CNTNAP3B: variants seen among roughly 807,000 people sequenced by gnomAD.
CNTNAP3B encodes contactin associated protein family member 3B.
CNTNAP3B carries 25 observed loss-of-function variants against 108.9 expected under a neutral mutation model. The observed-to-expected ratio is 0.23, with a 90% CI of 0.17 to 0.32. CNTNAP3B has a LOEUF of 0.32. Among genes scored for constraint, CNTNAP3B ranks in the 10% least tolerant of loss-of-function variants. CNTNAP3B has a pLI of 1.00. For synonymous variants in CNTNAP3B, 103 were observed against 473.4 expected, an observed-to-expected ratio of 0.22 and a Z score of 10.16; for missense variants, 252 against 1,210.4, an observed-to-expected ratio of 0.21 and a Z score of 11.75.
chr9:42,097,406 T>A (rs1028710506), intron 2 of CNTNAP3B, among the ~76,000 whole-genome samples: 8 of 139,958 alleles, frequency 5.7e-5, no homozygotes, highest in African/African-American at 1.1e-4. Flanking sequence ...TTTTTATATT[T>A]GTATTTGAGT....
chr9:42,122,022 G>A (rs1261027705), intron 1 of CNTNAP3B, among the ~76,000 whole-genome samples: 1 of 139,800 alleles, frequency 7.2e-6, no homozygotes, highest in Non-Finnish European at 1.5e-5. Context: ...GGCACAGATG[G>A]ATGTGTGCAC....
chr9:41,916,600 G>T (rs1161942499), intron 18 of CNTNAP3B, among the ~76,000 whole-genome samples: 3 of 146,730 alleles, frequency 2.0e-5, no homozygotes, highest in Non-Finnish European at 3.0e-5. Flanking sequence ...CCTAATAGTT[G>T]TATGTATTTA....
rs902584718 is a variant in CNTNAP3B, at chr9:42,113,484, A to C, written c.86-8745T>G. On this transcript the variant is annotated intron_variant, in intron 1 of 23. Transcript: ENST00000377561. ...TTACTGCTAAGTAGAAAGAGAGGAA[A>C]CCAAATAACAAAATTAAGTCGTGCA... 2.9e-5 allele frequency among the ~76,000 whole-genome samples: 4 copies of C among 140,034 alleles called. 1 individual carries two copies. The highest frequency in any genetic ancestry group is 1.1e-4 in the African/African-American group (4 of 35,452). The allele number at this position is 140,034 out of a possible 152,430, so 91.9% of individuals were successfully genotyped here.
intron 13 of CNTNAP3B, among the ~76,000 whole-genome samples, chr9:41,940,763 C>T (rs1306171406): frequency 3.3e-5 from 5 of 151,984 alleles, no homozygotes; most frequent in African/African-American, 7.3e-5. Flanking sequence ...TGCAGTGAGC[C>T]GAGATTGTGC....
intron 2 of CNTNAP3B, among the ~76,000 whole-genome samples, chr9:42,087,357 C>T (rs547247819): frequency 1.5e-5 from 2 of 132,286 alleles, no homozygotes; most frequent in Non-Finnish European, 3.2e-5. Context: ...TTTTATGGAC[C>T]CTTTTTTCAT....
chr9:41,962,848 G>A (rs1360920246), intron 11 of CNTNAP3B, among the ~76,000 whole-genome samples: 14 of 152,106 alleles, frequency 9.2e-5, no homozygotes, highest in East Asian at 3.8e-4. Flanking sequence ...CCAGGTACTC[G>A]GGAGGCTGAG....
At chr9:41,990,478 G>A (rs1825785703) in intron 8 of CNTNAP3B, among the ~76,000 whole-genome samples, 1 of 131,618 alleles carries the variant, frequency 7.6e-6, no homozygotes, top group African/African-American at 3.1e-5. Flanking sequence ...GAAGTACTGA[G>A]ATAAGGCCCC....
intron 1 of CNTNAP3B, among the ~76,000 whole-genome samples, chr9:42,113,626 C>T (rs112043571): frequency 0.022 from 3,107 of 139,746 alleles, 569 homozygotes; most frequent in Admixed American, 0.063. Flanking sequence ...GTATCCACAG[C>T]TGTGGGAATA....
chr9:41,935,103 A>G (rs1824116727), intron 14 of CNTNAP3B, among the ~76,000 whole-genome samples: 1 of 152,298 alleles, frequency 6.6e-6, no homozygotes, highest in African/African-American at 2.4e-5. Context: ...ACATATATTG[A>G]CTTGCAGCAT....
intron 1 of CNTNAP3B, among the ~76,000 whole-genome samples, chr9:42,113,895 T>C (rs954481897): frequency 2.2e-5 from 3 of 139,144 alleles, no homozygotes; most frequent in African/African-American, 8.5e-5. Flanking sequence ...TATCAAAACA[T>C]CTCATGTAGA....
chr9:41,942,340 G>T (rs1227653881), intron 13 of CNTNAP3B, among the ~76,000 whole-genome samples: 1 of 152,414 alleles, frequency 6.6e-6, no homozygotes, highest in East Asian at 1.9e-4. Context: ...GTCGGGTGAG[G>T]TGGCTCAAGC....
chr9:41,995,666 G>A (rs868113949), intron 7 of CNTNAP3B, among the ~76,000 whole-genome samples: 29 of 124,194 alleles, frequency 2.3e-4, no homozygotes, highest in African/African-American at 9.3e-4. Flanking sequence ...AGGAGGCAGA[G>A]CTTGCAGTGA....
At chr9:42,037,212 T>C (rs1218700777) in intron 3 of CNTNAP3B, among the ~76,000 whole-genome samples, 1 of 146,854 alleles carries the variant, frequency 6.8e-6, no homozygotes, top group Admixed American at 6.8e-5. Context: ...CTTTGATGAG[T>C]TGAGAGAAGA....
chr9:42,082,900 C>T (rs1450003472), intron 2 of CNTNAP3B, among the ~76,000 whole-genome samples: 1 of 139,476 alleles, frequency 7.2e-6, no homozygotes, highest in Non-Finnish European at 1.5e-5. Flanking sequence ...CAATGATGGT[C>T]AGATTAGATG....
At chr9:41,925,323 G>C (rs531902886) in intron 15 of CNTNAP3B, among the ~76,000 whole-genome samples, 1 of 152,292 alleles carries the variant, frequency 6.6e-6, no homozygotes, top group South Asian at 2.1e-4. Flanking sequence ...GCTAGGCGCA[G>C]TGGCTCACGC....
At chr9:41,931,585 C>A (rs1388691736) in intron 14 of CNTNAP3B, among the ~76,000 whole-genome samples, 5 of 151,374 alleles carry the variant, frequency 3.3e-5, no homozygotes, top group African/African-American at 1.2e-4. Flanking sequence ...AAAATTCAGA[C>A]TAAAACCCTG....
At chr9:42,115,580 C>A (rs1224507197) in intron 1 of CNTNAP3B, among the ~76,000 whole-genome samples, 1 of 132,792 alleles carries the variant, frequency 7.5e-6, no homozygotes, top group Non-Finnish European at 1.6e-5. Flanking sequence ...GCAGCCTCTG[C>A]TGGTGATACC....
At chr9:42,015,141 T>G (rs1339711951) in intron 3 of CNTNAP3B, among the ~76,000 whole-genome samples, 1 of 5,012 alleles carries the variant, frequency 2.0e-4, no homozygotes, top group Non-Finnish European at 4.6e-4. Flanking sequence ...GCAATTCTCC[T>G]GCCTCAGCCT....
intron 1 of CNTNAP3B, among the ~76,000 whole-genome samples, chr9:42,118,258 A>G (rs1421426112): frequency 7.2e-6 from 1 of 139,622 alleles, no homozygotes; most frequent in African/African-American, 2.8e-5. Context: ...CTTGATGAAC[A>G]TTGATGCAAA....
Sources: gnomAD v4.1 joint callset for allele counts (sites outside exome capture counted in the v4.1 genomes callset) on GRCh38, gnomAD v4.1.1 for gene constraint, MANE v1.5 for transcripts, NCBI Gene and HGNC (gene_info 2026-07-23, HGNC 2026-07-21) for gene names.